Variants in LOC400499 observed in about 807,000 individuals in gnomAD.
chr16:11,406,525 T>C, the LOC400499 span, among the ~76,000 whole-genome samples: 2 of 152,214 alleles, frequency 1.3e-5, no homozygotes, highest in African/African-American at 4.8e-5. Context: ...CTCCACATCC[T>C]GGGTTCAAGC....
chr16:11,489,092 C>T, the LOC400499 span, among the ~76,000 whole-genome samples: 4 of 152,176 alleles, frequency 2.6e-5, no homozygotes, highest in Non-Finnish European at 5.9e-5. Context: ...GGAATTCTGA[C>T]ACACTTCCCA....
At chr16:11,398,237 G>T in the LOC400499 span, 2 of 955,676 alleles carry the variant, frequency 2.1e-6, no homozygotes, top group Non-Finnish European at 2.7e-6. Context: ...CGATGGTGGC[G>T]TCTGGCTGCC....
chr16:11,504,294 G>A, the LOC400499 span, among the ~76,000 whole-genome samples: 15 of 152,298 alleles, frequency 9.8e-5, no homozygotes, highest in African/African-American at 2.9e-4. Flanking sequence ...GGTGGTTCAC[G>A]CCTGTAATCC....
chr16:11,380,352 C>G, the LOC400499 span, among the ~76,000 whole-genome samples: 1 of 151,664 alleles, frequency 6.6e-6, no homozygotes, highest in African/African-American at 2.4e-5. Context: ...GGACACAAGG[C>G]GGGCAGATCA....
the LOC400499 span, among the ~76,000 whole-genome samples, chr16:11,474,027 A>C: frequency 1.3e-5 from 2 of 152,068 alleles, no homozygotes; most frequent in East Asian, 1.9e-4. Flanking sequence ...CTAATTTGTT[A>C]ATTTTTATTT....
the LOC400499 span, among the ~76,000 whole-genome samples, chr16:11,469,856 G>A: frequency 2.6e-5 from 4 of 152,164 alleles, no homozygotes; most frequent in African/African-American, 4.8e-5. Flanking sequence ...AACGGCCAGG[G>A]AGAAGCGGCT....
the LOC400499 span, chr16:11,411,384 C>T: frequency 5.0e-6 from 2 of 399,134 alleles, no homozygotes; most frequent in Non-Finnish European, 8.8e-6. Flanking sequence ...TGTCCAGTGC[C>T]CCCAGGGCCA....
the LOC400499 span, among the ~76,000 whole-genome samples, chr16:11,419,676 G>A: frequency 6.6e-6 from 1 of 152,134 alleles, no homozygotes. Flanking sequence ...CCTCCAAAAT[G>A]GGAGAAAATT....
chr16:11,405,574 T>A, the LOC400499 span, among the ~76,000 whole-genome samples: 1 of 152,104 alleles, frequency 6.6e-6, no homozygotes, highest in Non-Finnish European at 1.5e-5. Context: ...TCCCTGCTGG[T>A]GGGTGCCACA....
the LOC400499 span, chr16:11,485,159 G>A: frequency 2.5e-6 from 1 of 398,052 alleles, no homozygotes; most frequent in African/African-American, 2.1e-5. Flanking sequence ...ATGAATGGAG[G>A]ACCCAGAAGG....
chr16:11,457,927 C>T, the LOC400499 span, among the ~76,000 whole-genome samples: 6 of 152,218 alleles, frequency 3.9e-5, no homozygotes, highest in African/African-American at 1.4e-4. Context: ...ACAGGACAGG[C>T]ACGGTGGCTC....
At chr16:11,521,745 C>T in the LOC400499 span, among the ~76,000 whole-genome samples, 10 of 152,300 alleles carry the variant, frequency 6.6e-5, no homozygotes, top group East Asian at 1.9e-4. Flanking sequence ...TGCTATTCCC[C>T]GATTGGGCCC....
the LOC400499 span, chr16:11,523,681 A>C: frequency 3.7e-5 from 14 of 376,826 alleles, no homozygotes; most frequent in East Asian, 5.3e-4. Flanking sequence ...GCTCTTGTTC[A>C]TCTTGGGTAC....
chr16:11,509,356 G>A, the LOC400499 span, among the ~76,000 whole-genome samples: 1 of 149,790 alleles, frequency 6.7e-6, no homozygotes, highest in Non-Finnish European at 1.5e-5. Context: ...CTGACCTTGT[G>A]ATCCACCCAC....
chr16:11,422,308 A>C, the LOC400499 span, among the ~76,000 whole-genome samples: 1 of 152,310 alleles, frequency 6.6e-6, no homozygotes, highest in African/African-American at 2.4e-5. Context: ...GGGCTGAGGC[A>C]GGAGACACTT....
the LOC400499 span, among the ~76,000 whole-genome samples, chr16:11,409,077 G>A: frequency 2.0e-5 from 3 of 151,820 alleles, no homozygotes; most frequent in Non-Finnish European, 4.4e-5. Flanking sequence ...CCCGGCCAAC[G>A]TGGCGAAACC....
chr16:11,426,765 A>C, the LOC400499 span, among the ~76,000 whole-genome samples: 4 of 149,104 alleles, frequency 2.7e-5, no homozygotes, highest in African/African-American at 9.9e-5. Context: ...CCCACCTCTA[A>C]AAAAAAAATT....
chr16:11,476,770 C>T, the LOC400499 span: 2 of 399,488 alleles, frequency 5.0e-6, no homozygotes, highest in Non-Finnish European at 8.8e-6. Flanking sequence ...CCACCTGAAG[C>T]TGAGCAGCTC....
chr16:11,383,639 TACCA>T, the LOC400499 span: 1 of 1,232,200 alleles, frequency 8.1e-7, no homozygotes, highest in East Asian at 3.2e-5. Flanking sequence ...TGGGGCAGCT[TACCA>T]CACTGTGGAG....
Sources: gnomAD v4.1 joint callset for allele counts (sites outside exome capture counted in the v4.1 genomes callset) on GRCh38, gnomAD v4.1.1 for gene constraint, MANE v1.5 for transcripts.